Variants in FHAD1 observed in about 807,000 individuals in gnomAD.
FHAD1 encodes forkhead associated phosphopeptide binding domain 1.
A neutral mutation model predicts 191.3 loss-of-function variants in FHAD1; 146 were observed. That is an observed-to-expected ratio of 0.76 (90% confidence interval 0.67 to 0.88). The LOEUF is 0.88. FHAD1 is among the 40% of genes least tolerant of loss of function. The pLI is 0.00. For synonymous variants in FHAD1, 616 were observed against 672.3 expected, an observed-to-expected ratio of 0.92 and a Z score of 1.29; for missense variants, 1,635 against 1,785.8, an observed-to-expected ratio of 0.92 and a Z score of 1.52.
intron 6 of FHAD1, among the ~76,000 whole-genome samples, chr1:15,307,188 C>A (rs1670766496): frequency 6.6e-6 from 1 of 152,168 alleles, no homozygotes; most frequent in Non-Finnish European, 1.5e-5. Flanking sequence ...GGATTTCAGA[C>A]TTTCATGGGC....
chr1:15,266,921 A>C (rs1653797328), intron 2 of FHAD1, among the ~76,000 whole-genome samples: 1 of 152,158 alleles, frequency 6.6e-6, no homozygotes, highest in Non-Finnish European at 1.5e-5. Flanking sequence ...TTGAGAGCTC[A>C]TTTCTTTTTA....
chr1:15,303,494 G>A (rs891874780), intron 6 of FHAD1, among the ~76,000 whole-genome samples: 1 of 152,204 alleles, frequency 6.6e-6, no homozygotes, highest in African/African-American at 2.4e-5. Flanking sequence ...CACATTTTGG[G>A]TATTGTTTAA....
chr1:15,353,015 G>C, intron 20 of FHAD1, 31 bp downstream of exon 20: 2 of 1,486,944 alleles, frequency 1.3e-6, no homozygotes, highest in Non-Finnish European at 1.8e-6. Context: ...GAGACGAGAG[G>C]GGCCCAGCAC....
chr1:15,341,922 G>A (rs1391063564), intron 16 of FHAD1, 34 bp downstream of exon 16: 1 of 1,534,834 alleles, frequency 6.5e-7, no homozygotes. Flanking sequence ...TTTACTACTG[G>A]AAACTGATGA....
In FHAD1 at chr1:15,306,356, G is replaced by T. The variant is rs542854336; in HGVS notation, c.916-2257G>T. ...GAAACAGCATAAATTCAGAAAATTTGCAGCCTGATGATGGAGTAGAAAAGA... is the reference window on the plus strand; with the variant it reads ...GAAACAGCATAAATTCAGAAAATTTTCAGCCTGATGATGGAGTAGAAAAGA... On this transcript the variant is annotated intron_variant, in intron 6 of 33. Transcript: ENST00000688493. Among the ~76,000 whole-genome samples, 951 of 152,316 alleles carry T rather than the reference G, an allele frequency of 6.2e-3. 2 individuals are homozygous for T. The highest frequency in any genetic ancestry group is 0.01 in the Non-Finnish European group (699 of 68,024).
In FHAD1 at chr1:15,345,519, AGGAGGTACGCTCGG is replaced by A. The variant is rs1330106243; in HGVS notation, c.2346+1_2346+14del. The A allele has an allele frequency of 3.9e-6, 6 of 1,551,660 alleles. No homozygotes were observed. The East Asian group carries it at 1.2e-4, about 32-fold the overall frequency. On this transcript the variant is annotated splice_donor_variant and splice_donor_5th_base_variant and coding_sequence_variant and intron_variant, in exon 18 of 34. Coordinates refer to ENST00000688493, the MANE Select transcript of FHAD1 (RefSeq NM_001391957.1). LOFTEE classifies it high-confidence loss of function. The stretch of plus-strand genomic sequence containing the variant: ...CTGGAGGAACGCTTGGCCCGCCAGA[AGGAGGTACGCTCGG>A]GGAGATAGAGTCGGCTGAGCCCCAG...
At position 15,339,549 on chromosome 1, in the gene FHAD1, C is replaced by T; in HGVS notation, c.1975C>T (p.Gln659Ter). ...ACTTATGAGCCAGGCCCAGGAACTT[C>T]AGGTAATTCTTTTAATTTCTTTTTT... The part of the protein sequence containing the change: ...KKLMSQAQEL[Q>*]IKFNSSQETQ... The change falls in exon 15 of 34, where the codon CAG becomes TAG. Residue 659 changes from glutamine (Q) to a stop codon, truncating the protein, a stop_gained and splice_region_variant. Transcript: ENST00000688493. LOFTEE classifies it high-confidence loss of function. 1 of 1,277,284 alleles carries T rather than the reference C, an allele frequency of 7.8e-7. No homozygotes were observed. Among genetic ancestry groups the T allele is most frequent in the Non-Finnish European group, 1.0e-6 (1 of 970,106 alleles). 79.1% of individuals were successfully genotyped at this position (1,277,284 alleles called of 1,614,324 possible). A position where few individuals can be genotyped will look rare whatever the true frequency, so the allele number is the denominator to read the frequency against.
At chr1:15,323,899 G>A (rs1192478824) in intron 10 of FHAD1, among the ~76,000 whole-genome samples, 1 of 152,184 alleles carries the variant, frequency 6.6e-6, no homozygotes, top group East Asian at 1.9e-4. Context: ...AGAAGTGGTA[G>A]CAATAAACAG....
At position 15,327,323 on chromosome 1, in the gene FHAD1, A is replaced by C; in HGVS notation, c.1557+181A>C. 1.8e-6 allele frequency: 1 copy of C among 559,822 alleles called. No individual in the cohort carries two copies. Among genetic ancestry groups the C allele is most frequent in the Admixed American group, 3.4e-5 (1 of 29,612 alleles). The allele number at this position is 559,822 out of a possible 1,614,324, so 34.7% of individuals were successfully genotyped here. Reference sequence around the variant, plus strand: ...GGGATTTCCTGGCTTTTAAAGTAAAAGCCAGTTAAAACTCCCTTGAAATGT... The same window carrying C: ...GGGATTTCCTGGCTTTTAAAGTAAACGCCAGTTAAAACTCCCTTGAAATGT... On this transcript the variant is annotated intron_variant, in intron 12 of 33. Coordinates refer to ENST00000688493, the MANE Select transcript of FHAD1 (RefSeq NM_001391957.1). The surrounding 1 kb of genome is among the most constrained non-coding windows in gnomAD (Gnocchi z 5.1).
chr1:15,387,688 C>T (rs1421710886), intron 31 of FHAD1, among the ~76,000 whole-genome samples: 1 of 151,902 alleles, frequency 6.6e-6, no homozygotes, highest in Non-Finnish European at 1.5e-5. Flanking sequence ...AGTTGGTGAC[C>T]AGCCTGGCAA....
rs1486981236 is a variant in FHAD1 at position 15,329,388 on chromosome 1, G to A, written c.1753G>A (p.Glu585Lys). The A allele has an allele frequency of 4.5e-6, 7 of 1,550,704 alleles. No individual in the cohort carries two copies. The highest frequency in any genetic ancestry group is 1.4e-5 in the African/African-American group (1 of 73,000). ...ISCCSHDLKK[E>K]VDLLQHLQVS... ...CTGTTGCAGCCATGACCTGAAGAAG[G>A]AGGTCGACCTTCTTCAGCACCTCCA... is the stretch of plus-strand genomic sequence containing the variant. The change falls in exon 14 of 34, where the codon GAG becomes AAG. Residue 585 changes from glutamate (E) to lysine (K), a missense_variant. Physicochemically the swap from Glu to Lys is moderately conservative, Grantham distance 56. Transcript: ENST00000688493. The surrounding 1 kb of genome is among the most constrained non-coding windows in gnomAD (Gnocchi z 5.0).
chr1:15,352,311 G>A (rs1379645110), intron 19 of FHAD1, among the ~76,000 whole-genome samples: 2 of 152,166 alleles, frequency 1.3e-5, no homozygotes, highest in Admixed American at 6.5e-5. Flanking sequence ...GGCGTGTACA[G>A]GTGAGTCTGG....
Position 15,352,928 on chromosome 1 carries a change from G to T in FHAD1, c.2506G>T (p.Glu836Ter). The change falls in exon 20 of 34, where the codon GAG becomes TAG. Residue 836 changes from glutamate (E) to a stop codon, truncating the protein, a stop_gained. Coordinates refer to ENST00000688493, the MANE Select transcript of FHAD1 (RefSeq NM_001391957.1). LOFTEE classifies it high-confidence loss of function. ...GAAACGCAAAGCAAAGGAGGCCATG[G>T]AGAAGGAAAAGAAAAAGGTGCAAGA... ...YEKRKAKEAM[E>*]KEKKKVQDLE... 6.4e-7 allele frequency: 1 copy of T among 1,551,452 alleles called. No homozygotes were observed. Among genetic ancestry groups the T allele is most frequent in the Non-Finnish European group, 8.7e-7 (1 of 1,146,960 alleles).
chr1:15,351,500 C>T (rs182785952), intron 19 of FHAD1, among the ~76,000 whole-genome samples: 1 of 152,164 alleles, frequency 6.6e-6, no homozygotes, highest in Admixed American at 6.6e-5. Context: ...GACCTTGGAA[C>T]ACTGCTTGTC....
At chr1:15,383,514 G>C (rs1433640465) in intron 31 of FHAD1, 2 of 343,534 alleles carry the variant, frequency 5.8e-6, no homozygotes, top group Non-Finnish European at 5.8e-6. Flanking sequence ...AGCTGGCAGA[G>C]GGGCTTTCCT....
chr1:15,279,579 T>C (rs1659792899), intron 3 of FHAD1, among the ~76,000 whole-genome samples: 1 of 125,200 alleles, frequency 8.0e-6, no homozygotes, highest in Non-Finnish European at 1.7e-5. Flanking sequence ...AAAAAAGGAA[T>C]CTCTTTCATC....
intron 10 of FHAD1, among the ~76,000 whole-genome samples, chr1:15,319,672 A>G (rs1332621312): frequency 8.5e-5 from 13 of 152,208 alleles, no homozygotes; most frequent in Non-Finnish European, 2.9e-5. Flanking sequence ...TATGGGGAAA[A>G]TGGACATGGT....
In FHAD1 at chr1:15,327,199, G is replaced by C; in HGVS notation, c.1557+57G>C. On this transcript the variant is annotated intron_variant, in intron 12 of 33. Transcript: ENST00000688493. This position sits in a 1 kb window ranked among gnomAD's most constrained non-coding sequence, Gnocchi z 5.1. ...TCACTTTCCTCTTCTTCTTCTTCGT[G>C]GATCTGGATTCCAGACCCTGGGAGC... 8.3e-7 allele frequency: 1 copy of C among 1,210,616 alleles called. No homozygotes were observed. The highest frequency in any genetic ancestry group is 1.3e-5 in the South Asian group (1 of 75,554). The allele number at this position is 1,210,616 out of a possible 1,614,324, so 75.0% of individuals were successfully genotyped here.
At chr1:15,360,730 T>C in intron 22 of FHAD1, 27 bp downstream of exon 22, 2 of 1,540,652 alleles carry the variant, frequency 1.3e-6, no homozygotes, top group Non-Finnish European at 1.8e-6. Context: ...GCCAAGGAAA[T>C]CTTAGTGTTC....
Sources: allele counts gnomAD v4.1 joint callset (sites outside exome capture counted in the v4.1 genomes callset), GRCh38; gene constraint gnomAD v4.1.1; non-coding constraint Gnocchi (gnomAD v3.1); transcripts MANE v1.5; gene names NCBI Gene and HGNC (gene_info 2026-07-23, HGNC 2026-07-21).